Variants in CCDC9B observed in about 807,000 individuals in gnomAD.
The protein encoded by CCDC9B is coiled-coil domain containing 9B.
CCDC9B carries 40 observed loss-of-function variants against 47.2 expected under a neutral mutation model. That is an observed-to-expected ratio of 0.85 (90% CI 0.66 to 1.10). CCDC9B has a LOEUF of 1.10. Among genes scored for constraint, CCDC9B ranks in the 50% least tolerant of loss-of-function variants. The pLI is 0.00. For synonymous variants in CCDC9B, 238 were observed against 250.7 expected (o/e 0.95, Z 0.48); for missense variants, 662 against 651.0 (o/e 1.02, Z -0.18).
chr15:40,334,840 T>G lies in CCDC9B; in HGVS notation c.*318A>C. ...GCCACCAAGCCTTGTTCTCTCATCATAGTGGAGAAGGCTTGTGGCCTGGGC... is the reference window on the plus strand; with the variant it reads ...GCCACCAAGCCTTGTTCTCTCATCAGAGTGGAGAAGGCTTGTGGCCTGGGC... On this transcript the variant is annotated 3_prime_UTR_variant, in exon 11 of 11. Coordinates refer to ENST00000397536, the MANE Select transcript of CCDC9B (RefSeq NM_207380.3). 1.3e-5 allele frequency: 3 copies of G among 227,234 alleles called. No individual in the cohort carries two copies. Among genetic ancestry groups the G allele is most frequent in the South Asian group, 1.7e-4 (1 of 5,782 alleles). The allele number at this position is 227,234 out of a possible 1,614,324, so 14.1% of individuals were successfully genotyped here.
At position 40,335,630 on chromosome 15, in the gene CCDC9B, C is replaced by G. The variant is rs1338873387; in HGVS notation, c.1001G>C (p.Gly334Ala). The G allele has an allele frequency of 6.6e-7, 1 of 1,516,684 alleles. No individual in the cohort carries two copies. The highest frequency in any genetic ancestry group is 2.0e-5 in the Admixed American group (1 of 48,918). 94.0% of individuals were successfully genotyped at this position (1,516,684 alleles called of 1,614,324 possible). Residue 334 changes from glycine (G) to alanine (A), a missense_variant, in exon 11 of 11, where the codon GGC (glycine) becomes GCC (alanine). Gly to Ala is a moderately conservative substitution (Grantham distance 60, BLOSUM62 0). Coordinates refer to ENST00000397536, the MANE Select transcript of CCDC9B (RefSeq NM_207380.3). The part of the protein sequence containing the change: ...QAQKQSGMEQ[G>A]RLGSAPAASP... ...GGCTGCAGGGGCGCTCCCCAGTCGG[C>G]CCTGCTCCATCCCGCTCTGCTTCTG... is the stretch of plus-strand genomic sequence containing the variant.
Position 40,334,851 on chromosome 15 carries a change from G to T in CCDC9B, c.*307C>A. The stretch of plus-strand genomic sequence containing the variant: ...TTGTTCTCTCATCATAGTGGAGAAG[G>T]CTTGTGGCCTGGGCAGCAGTAGGCC... On this transcript the variant is annotated 3_prime_UTR_variant, in exon 11 of 11. Coordinates refer to ENST00000397536, the MANE Select transcript of CCDC9B (RefSeq NM_207380.3). 3.8e-6 allele frequency: 1 copy of T among 259,968 alleles called. No homozygotes were observed. The highest frequency in any genetic ancestry group is 7.3e-6 in the Non-Finnish European group (1 of 137,118). 16.1% of individuals were successfully genotyped at this position (259,968 alleles called of 1,614,324 possible).
At position 40,338,604 on chromosome 15, in the gene CCDC9B, C is replaced by A; in HGVS notation, c.444G>T (p.Gly148=). The A allele has an allele frequency of 6.2e-7, 1 of 1,614,176 alleles. No homozygotes were observed. Among genetic ancestry groups the A allele is most frequent in the Non-Finnish European group, 8.5e-7 (1 of 1,180,028 alleles). The change falls in exon 5 of 11, where the codon GGG becomes GGT. Residue 148 remains glycine (G), a synonymous_variant. Transcript: ENST00000397536. ...TTCGGGTCACACGCCCTCCAGGTGA[C>A]CCCTCTATGCCTTGGTTCCTTGCTC... ...PTRARNQGIE[G]SPGGRVTRSP... is the part of the protein sequence containing the mutation.
Position 40,337,891 on chromosome 15 carries a change from A to G in CCDC9B, c.516T>C (p.Gly172=). Residue 172 remains glycine (G), a splice_region_variant and synonymous_variant, in exon 6 of 11, where the codon GGT becomes GGC. Coordinates refer to ENST00000397536, the MANE Select transcript of CCDC9B (RefSeq NM_207380.3). ...CCGGCCGGCTCCAGGGCTCCCAAGA[A>G]CCCTGTAGGGAGAAGACACTCAGAG... ...VAISSDSARK[G]SWEPWSRPVG... is the part of the protein sequence containing the mutation. The G allele has an allele frequency of 6.3e-7, 1 of 1,595,358 alleles. No homozygotes were observed. Among genetic ancestry groups the G allele is most frequent in the Non-Finnish European group, 8.5e-7 (1 of 1,171,402 alleles).
chr15:40,337,691 A>C (rs767341347), intron 6 of CCDC9B, 33 bp downstream of exon 6: 96 of 1,563,638 alleles, frequency 6.1e-5, no homozygotes, highest in Non-Finnish European at 7.9e-5. Flanking sequence ...TCCATCCCGC[A>C]CCACAGGCAA....
In CCDC9B at chr15:40,336,668, C is replaced by A; in HGVS notation, c.797-4G>T. 3 of 1,611,482 alleles carry A rather than the reference C, an allele frequency of 1.9e-6. No homozygotes were observed. Among genetic ancestry groups the A allele is most frequent in the Non-Finnish European group, 2.5e-6 (3 of 1,178,144 alleles). On this transcript the variant is annotated splice_polypyrimidine_tract_variant and splice_region_variant and intron_variant, in intron 8 of 10. Transcript: ENST00000397536. ...CTGCTGGCTTGCCCGCCCCGACCTG[C>A]AAGAGATGGTCGGCCAAGGAGAGAA...
In CCDC9B at chr15:40,334,882, C is replaced by T; in HGVS notation, c.*276G>A. 1 of 324,252 alleles carries T rather than the reference C, an allele frequency of 3.1e-6. No individual in the cohort carries two copies. The highest frequency in any genetic ancestry group is 4.9e-5 in the Admixed American group (1 of 20,264). 20.1% of individuals were successfully genotyped at this position (324,252 alleles called of 1,614,324 possible). Reference sequence around the variant, plus strand: ...GGCCTGGGCAGCAGTAGGCCCAGGTCAGGGTGCACCAGCCTCAGATGCCAG... The same window carrying T: ...GGCCTGGGCAGCAGTAGGCCCAGGTTAGGGTGCACCAGCCTCAGATGCCAG... On this transcript the variant is annotated 3_prime_UTR_variant, in exon 11 of 11. Transcript: ENST00000397536.
rs1038124895 is a variant in CCDC9B, at chr15:40,332,775, TCTACCC to T, written c.*2377_*2382del. 3 of 143,728 alleles carry T rather than the reference TCTACCC, an allele frequency of 2.1e-5. No homozygotes were observed. The highest frequency in any genetic ancestry group is 2.1e-4 in the Admixed American group (3 of 14,570). 8.9% of individuals were successfully genotyped at this position (143,728 alleles called of 1,614,324 possible). A position where few individuals can be genotyped will look rare whatever the true frequency, so the allele number is the denominator to read the frequency against. ...ATCTAAGGGCTTTGCCTGAACCTCC[TCTACCC>T]CTAGCCCCGTCCTTTGGGAGTCATG... is the stretch of plus-strand genomic sequence containing the variant. On this transcript the variant is annotated 3_prime_UTR_variant, in exon 11 of 11. Transcript: ENST00000397536.
intron 1 of CCDC9B, chr15:40,340,514 G>A (rs2141249914): frequency 2.2e-6 from 1 of 457,228 alleles, no homozygotes; most frequent in East Asian, 3.8e-5. Context: ...CTGGAGGAAA[G>A]AGCCGCTCCC....
At chr15:40,338,114 G>A in intron 5 of CCDC9B, 1 of 727,028 alleles carries the variant, frequency 1.4e-6, no homozygotes, top group Non-Finnish European at 2.5e-6. Context: ...GTGTAAAATG[G>A]GGAGGATCTC....
At position 40,336,568 on chromosome 15, in the gene CCDC9B, T is replaced by C. The variant is rs771209616; in HGVS notation, c.887+6A>G. 6.2e-7 allele frequency: 1 copy of C among 1,610,756 alleles called. No homozygotes were observed. Among genetic ancestry groups the C allele is most frequent in the South Asian group, 1.1e-5 (1 of 90,966 alleles). ...CGTCTTGATTTTGTCCCCTGCCACC[T>C]GTTACCTTCGGGCCCTGCCAGTCAG... On this transcript the variant is annotated splice_donor_region_variant and intron_variant, in intron 9 of 10. Transcript: ENST00000397536.
chr15:40,338,839 A>G lies in CCDC9B; in HGVS notation c.296T>C (p.Met99Thr). The G allele has an allele frequency of 6.2e-7, 1 of 1,613,830 alleles. No individual in the cohort carries two copies. Among genetic ancestry groups the G allele is most frequent in the Non-Finnish European group, 8.5e-7 (1 of 1,179,936 alleles). Reference protein sequence around the residue: ...GTCGPRVTNEMLEDEDAEDHG... With the variant: ...GTCGPRVTNETLEDEDAEDHG... ...GTCCTCAGCATCCTCATCCTCAAGCATCTCGTTGGTCACTCTGGGTCCACA... is the reference window on the plus strand; with the variant it reads ...GTCCTCAGCATCCTCATCCTCAAGCGTCTCGTTGGTCACTCTGGGTCCACA... The change falls in exon 4 of 11, where the codon ATG becomes ACG. Residue 99 changes from methionine to threonine, a missense_variant. Physicochemically the swap from Met to Thr is moderately conservative, Grantham distance 81 (BLOSUM62 -1). Coordinates refer to ENST00000397536, the MANE Select transcript of CCDC9B (RefSeq NM_207380.3).
In CCDC9B at chr15:40,335,900, G is replaced by A. The variant is rs578149660; in HGVS notation, c.888-74C>T. ...CCATGTCCCCCTGCCTGAATAGAGG[G>A]GTGGGGTGGAGTTGAGAGCCAGTGA... On this transcript the variant is annotated intron_variant, in intron 9 of 10. Transcript: ENST00000397536. 8 of 1,560,594 alleles carry A rather than the reference G, an allele frequency of 5.1e-6. No homozygotes were observed. The East Asian group carries it at 1.7e-4, about 32-fold the overall frequency.
rs1411400487 is a variant in CCDC9B at position 40,332,921 on chromosome 15, T to A, written c.*2237A>T. ...TAGGTGTGTCTCACATACATAGGAA[T>A]GTTTCCAAGCCTTTCCAAAATTCCT... is the stretch of plus-strand genomic sequence containing the variant. On this transcript the variant is annotated 3_prime_UTR_variant, in exon 11 of 11. Coordinates refer to ENST00000397536, the MANE Select transcript of CCDC9B (RefSeq NM_207380.3). 1 of 152,200 alleles carries A rather than the reference T, an allele frequency of 6.6e-6. No individual in the cohort carries two copies. The highest frequency in any genetic ancestry group is 1.5e-5 in the Non-Finnish European group (1 of 68,042). The allele number at this position is 152,200 out of a possible 1,614,324, so 9.4% of individuals were successfully genotyped here.
Position 40,333,742 on chromosome 15 carries a change from AG to A in CCDC9B, c.*1415del. On this transcript the variant is annotated 3_prime_UTR_variant, in exon 11 of 11. Coordinates refer to ENST00000397536, the MANE Select transcript of CCDC9B (RefSeq NM_207380.3). ...GGGTGGAGTTGAGAGCCAGTGAGGA[AG>A]GCTGAGCTGGGACCCCACAGTTTAG... 1 of 701,260 alleles carries A rather than the reference AG, an allele frequency of 1.4e-6. No individual in the cohort carries two copies. The highest frequency in any genetic ancestry group is 1.8e-6 in the Non-Finnish European group (1 of 571,276). 43.4% of individuals were successfully genotyped at this position (701,260 alleles called of 1,614,324 possible). A position where few individuals can be genotyped will look rare whatever the true frequency, so the allele number is the denominator to read the frequency against.
rs1348311799 is a variant in CCDC9B, at chr15:40,339,361, C to G, written c.231+151G>C. 8 of 735,342 alleles carry G rather than the reference C, an allele frequency of 1.1e-5. 1 individual carries two copies. Among genetic ancestry groups the G allele is most frequent in the Admixed American group, 9.5e-5 (4 of 41,900 alleles). The allele number at this position is 735,342 out of a possible 1,614,324, so 45.6% of individuals were successfully genotyped here. Reference sequence around the variant, plus strand: ...TTCAGCTGTGGCTCTTTGGTGGGGACAGCAGTGGTCCGACTGCAGGAGGTT... The same window carrying G: ...TTCAGCTGTGGCTCTTTGGTGGGGAGAGCAGTGGTCCGACTGCAGGAGGTT... On this transcript the variant is annotated intron_variant, in intron 3 of 10. Coordinates refer to ENST00000397536, the MANE Select transcript of CCDC9B (RefSeq NM_207380.3).
At position 40,337,754 on chromosome 15, in the gene CCDC9B, C is replaced by T. The variant is rs748700372; in HGVS notation, c.653G>A (p.Arg218His). The change falls in exon 6 of 11, where the codon CGC (arginine) becomes CAC (histidine). Residue 218 changes from arginine (R) to histidine (H), a missense_variant. Coordinates refer to ENST00000397536, the MANE Select transcript of CCDC9B (RefSeq NM_207380.3). Reference protein sequence around the residue: ...RHRDAQGDWRRPWDLDKAKST... With the variant: ...RHRDAQGDWRHPWDLDKAKST... ...CTTGGCCTTGTCCAGGTCCCACGGG[C>T]GGCGCCAGTCACCCTGTGCGTCTCT... 2.0e-5 allele frequency: 32 copies of T among 1,606,372 alleles called. No homozygotes were observed. The South Asian group carries it at 2.1e-4, about 11-fold the overall frequency.
chr15:40,338,825 C>T lies in CCDC9B; in HGVS notation c.310G>A (p.Asp104Asn), dbSNP rs563051382. ...AAAGTACCCCCGTGGTCCTCAGCAT[C>T]CTCATCCTCAAGCATCTCGTTGGTC... ...RVTNEMLEDE[D>N]AEDHGGTFCL... Residue 104 changes from aspartate (D) to asparagine (N), a missense_variant, in exon 4 of 11, where the codon GAT (aspartate) becomes AAT (asparagine). Transcript: ENST00000397536. The T allele has an allele frequency of 2.6e-5, 42 of 1,614,222 alleles. No homozygotes were observed. The South Asian group carries it at 3.8e-4, about 15-fold the overall frequency.
intron 1 of CCDC9B, 137 bp from the exon 2 acceptor site, chr15:40,340,152 G>A (rs1889058888): frequency 1.6e-6 from 1 of 626,978 alleles, no homozygotes; most frequent in Non-Finnish European, 2.8e-6. Context: ...GGATTGCTTA[G>A]GGAGATGGCC....
Sources: allele counts gnomAD v4.1 joint callset, GRCh38; gene constraint gnomAD v4.1.1; transcripts MANE v1.5; gene names NCBI Gene and HGNC (gene_info 2026-07-23, HGNC 2026-07-21).